Variants in DOCK7 observed in about 807,000 individuals in gnomAD.
DOCK7 encodes the protein dedicator of cytokinesis 7, also known as dedicator of cytokinesis protein 7.
In DOCK7, 138 loss-of-function variants were observed where a neutral mutation model predicts 271.0. The ratio of observed to expected loss-of-function variants is 0.51; its 90% CI spans 0.44 to 0.59. DOCK7 has a LOEUF of 0.59. DOCK7 is among the 20% of genes least tolerant of loss of function. The pLI, the probability that DOCK7 is intolerant of heterozygous loss-of-function variation, is 0.00. For missense variants in DOCK7, 2,066 were observed against 2,592.4 expected, an observed-to-expected ratio of 0.80 and a Z score of 4.41; for synonymous variants, 823 against 876.1, an observed-to-expected ratio of 0.94 and a Z score of 1.07.
intron 13 of DOCK7, 97 bp from the exon 14 acceptor site, chr1:62,618,965 C>T: frequency 8.7e-7 from 1 of 1,152,516 alleles, no homozygotes; most frequent in Non-Finnish European, 1.2e-6. Context: ...TGCAAGAAGT[C>T]TGGGAAGAAT....
chr1:62,521,550 T>C (rs1031590209), intron 31 of DOCK7, among the ~76,000 whole-genome samples: 1 of 152,118 alleles, frequency 6.6e-6, no homozygotes, highest in African/African-American at 2.4e-5. Context: ...TACAAAAATC[T>C]AGCCGTAGAA....
chr1:62,489,221 G>A (rs1398256142), intron 41 of DOCK7, among the ~76,000 whole-genome samples, 156 bp from the exon 42 acceptor site: 4 of 152,148 alleles, frequency 2.6e-5, no homozygotes, highest in Admixed American at 6.6e-5. Context: ...AGGCCGAGGC[G>A]GGTGGATCAC....
chr1:62,640,625 G>A (rs1655904039), intron 7 of DOCK7, among the ~76,000 whole-genome samples: 1 of 152,188 alleles, frequency 6.6e-6, no homozygotes, highest in African/African-American at 2.4e-5. Context: ...CAAGGGCAAC[G>A]CCTATAACCT....
chr1:62,601,085 A>C (rs1361970688), intron 14 of DOCK7: 1 of 1,566,072 alleles, frequency 6.4e-7, no homozygotes, highest in East Asian at 2.2e-5. Flanking sequence ...TTATCAGCTC[A>C]GAAGGACTAG....
At chr1:62,590,826 A>C (rs1648328421) in intron 14 of DOCK7, among the ~76,000 whole-genome samples, 1 of 152,220 alleles carries the variant, frequency 6.6e-6, no homozygotes, top group Non-Finnish European at 1.5e-5. Context: ...CTATTATCAA[A>C]AAGTAAAAAA....
intron 14 of DOCK7, among the ~76,000 whole-genome samples, chr1:62,591,329 C>A (rs1648413647): frequency 6.6e-6 from 1 of 152,016 alleles, no homozygotes; most frequent in South Asian, 2.1e-4. Context: ...AAGGAAAAAA[C>A]AGACACAGGG....
At chr1:62,623,319 T>A (rs12132231) in intron 12 of DOCK7, among the ~76,000 whole-genome samples, 2 of 152,220 alleles carry the variant, frequency 1.3e-5, no homozygotes, top group Non-Finnish European at 2.9e-5. Flanking sequence ...TGGTTAAAAA[T>A]TTTTAATACA....
chr1:62,650,768 T>G (rs1307592310), intron 4 of DOCK7, among the ~76,000 whole-genome samples: 2 of 152,152 alleles, frequency 1.3e-5, no homozygotes, highest in African/African-American at 4.8e-5. Context: ...CCAGTTAGAA[T>G]GGCGATCATT....
At position 62,648,291 on chromosome 1, in the gene DOCK7, T is replaced by G; in HGVS notation, c.547A>C (p.Ile183Leu). ...QDDLKRRSMS[I>L]DDTPRGSWAC... ...CAGCTACCCCTTGGGGTATCATCTA[T>G]TGACATTGAACGTCTTTTAAGGTCA... The change falls in exon 6 of 50, where the codon ATA becomes CTA. Residue 183 changes from isoleucine (I) to leucine (L), a missense_variant. By Grantham distance (5) the Ile-to-Leu change is conservative (BLOSUM62 2). This residue lies in a region of DOCK7 where 1,414 missense variants were observed against 1,670.4 expected (regional missense o/e 0.85). Transcript: ENST00000635253. The G allele has an allele frequency of 6.2e-7, 1 of 1,612,882 alleles. No homozygotes were observed. Among genetic ancestry groups the G allele is most frequent in the Middle Eastern group, 1.7e-4 (1 of 6,056 alleles).
chr1:62,618,715 G>C lies in DOCK7; in HGVS notation c.1673C>G (p.Thr558Ser). 6.2e-7 allele frequency: 1 copy of C among 1,612,564 alleles called. No individual in the cohort carries two copies. The highest frequency in any genetic ancestry group is 8.5e-7 in the Non-Finnish European group (1 of 1,178,742). The change falls in exon 14 of 50, where the codon ACT (threonine) becomes AGT (serine). Residue 558 changes from threonine to serine, a missense_variant. Physicochemically the swap from Thr to Ser is moderately conservative, Grantham distance 58. This residue lies in a region of DOCK7 where 1,414 missense variants were observed against 1,670.4 expected (regional missense o/e 0.85). Coordinates refer to ENST00000635253, the MANE Select transcript of DOCK7 (RefSeq NM_001367561.1). Reference sequence around the variant, plus strand: ...AATTAAAATCTCTTACCTGTAAGTAGTGTTTGGAACATAAACATCCCTTGC... The same window carrying C: ...AATTAAAATCTCTTACCTGTAAGTACTGTTTGGAACATAAACATCCCTTGC... ...FPARDVYVPN[T>S]TYRNLLYIYP... is the part of the protein sequence containing the mutation.
rs1199096772 is a variant in DOCK7, at chr1:62,495,563, G to T, written c.5024+18C>A. 4 of 1,520,064 alleles carry T rather than the reference G, an allele frequency of 2.6e-6. No homozygotes were observed. Among genetic ancestry groups the T allele is most frequent in the South Asian group, 2.6e-5 (2 of 76,634 alleles). 94.2% of individuals were successfully genotyped at this position (1,520,064 alleles called of 1,614,324 possible). On this transcript the variant is annotated intron_variant, in intron 39 of 49. Transcript: ENST00000635253. ...TAAGTCCCTTATACAAAGCATAAAT[G>T]AATCAAATAAATGCTACCTGTACAT...
Position 62,559,055 on chromosome 1 carries a change from G to T in DOCK7, c.2365C>A (p.Leu789Ile). The T allele has an allele frequency of 6.2e-7, 1 of 1,613,830 alleles. No homozygotes were observed. The highest frequency in any genetic ancestry group is 8.5e-7 in the Non-Finnish European group (1 of 1,179,876). Reference protein sequence around the residue: ...SSQLEPVVRFLHLLLDKLILL... With the variant: ...SSQLEPVVRFIHLLLDKLILL... Reference sequence around the variant, plus strand: ...ATCAGTTTATCTAGCAGAAGATGAAGAAATCGGACCACTGGTTCCAGCTGG... The same window carrying T: ...ATCAGTTTATCTAGCAGAAGATGAATAAATCGGACCACTGGTTCCAGCTGG... Residue 789 changes from leucine (L) to isoleucine (I), a missense_variant, in exon 20 of 50, where the codon CTT (leucine) becomes ATT (isoleucine). By Grantham distance (5) the Leu-to-Ile change is conservative. Transcript: ENST00000635253.
chr1:62,528,908 T>G (rs1344396841), intron 30 of DOCK7, among the ~76,000 whole-genome samples: 3 of 152,214 alleles, frequency 2.0e-5, no homozygotes, highest in Admixed American at 6.5e-5. Context: ...GATATTCAAG[T>G]GAATATTCAT....
At chr1:62,687,617 C>T (rs1478284795) in intron 1 of DOCK7, 1 of 152,256 alleles carries the variant, frequency 6.6e-6, no homozygotes, top group African/African-American at 2.4e-5. Flanking sequence ...TCATTCTGTC[C>T]ACACGTTTTC....
At chr1:62,596,219 A>T (rs1649224760) in intron 14 of DOCK7, among the ~76,000 whole-genome samples, 2 of 152,124 alleles carry the variant, frequency 1.3e-5, no homozygotes, top group African/African-American at 4.8e-5. Flanking sequence ...TATGTACTAT[A>T]ATTACCCCAG....
At chr1:62,544,592 A>G (rs1645639567) in intron 23 of DOCK7, among the ~76,000 whole-genome samples, 1 of 152,174 alleles carries the variant, frequency 6.6e-6, no homozygotes, top group African/African-American at 2.4e-5. Flanking sequence ...CAAATAGAAA[A>G]CTGTTGGGTT....
intron 14 of DOCK7, among the ~76,000 whole-genome samples, chr1:62,589,830 C>T (rs1395305193): frequency 6.7e-6 from 1 of 149,158 alleles, no homozygotes; most frequent in Non-Finnish European, 1.5e-5. Flanking sequence ...TGCAGTGAGC[C>T]GAGATCGCGC....
chr1:62,613,827 T>C (rs187109708), intron 14 of DOCK7, among the ~76,000 whole-genome samples: 1 of 152,114 alleles, frequency 6.6e-6, no homozygotes, highest in Non-Finnish European at 1.5e-5. Context: ...ATGGAAATAT[T>C]TTCTTAAAAC....
intron 22 of DOCK7, among the ~76,000 whole-genome samples, chr1:62,550,831 C>T (rs1273054204): frequency 6.6e-6 from 1 of 151,654 alleles, no homozygotes; most frequent in Non-Finnish European, 1.5e-5. Context: ...AGCGATTCAC[C>T]TATCTCAGCC....
Sources: allele counts gnomAD v4.1 joint callset (sites outside exome capture counted in the v4.1 genomes callset), GRCh38; gene constraint gnomAD v4.1.1; regional missense constraint gnomAD v4.1.1; transcripts MANE v1.5; gene names NCBI Gene and HGNC (gene_info 2026-07-23, HGNC 2026-07-21).